PTGIS: variants seen among roughly 807,000 people sequenced by gnomAD.
PTGIS encodes the protein prostaglandin I2 synthase.
A neutral mutation model predicts 50.3 loss-of-function variants in PTGIS; 45 were observed. That is an observed-to-expected ratio of 0.90 (90% CI 0.70 to 1.15). The LOEUF (loss-of-function observed/expected upper bound fraction) is 1.15, where lower values mean the gene tolerates loss of function less well. Ranked by LOEUF, PTGIS falls within the 50% of genes most tolerant of loss-of-function variation. The pLI is 0.00. For synonymous variants in PTGIS, 260 were observed against 267.7 expected (o/e 0.97, Z 0.28); for missense variants, 668 against 661.3 (o/e 1.01, Z -0.11).
At chr20:49,543,633 G>A (rs1982285927) in intron 4 of PTGIS, among the ~76,000 whole-genome samples, 1 of 152,166 alleles carries the variant, frequency 6.6e-6, no homozygotes, top group Non-Finnish European at 1.5e-5. Context: ...CCTGCCTAGA[G>A]TGTTGGCGTG....
intron 1 of PTGIS, among the ~76,000 whole-genome samples, chr20:49,557,493 G>A (rs750423465): frequency 3.3e-5 from 5 of 151,946 alleles, no homozygotes; most frequent in African/African-American, 1.2e-4. Flanking sequence ...TAGGGAGGCT[G>A]AGACAGGAAG....
intron 3 of PTGIS, among the ~76,000 whole-genome samples, chr20:49,545,285 A>C (rs563906629): frequency 6.6e-6 from 1 of 152,060 alleles, no homozygotes; most frequent in Non-Finnish European, 1.5e-5. Context: ...CCAGATGTGT[A>C]GTAGGTGCCT....
intron 1 of PTGIS, among the ~76,000 whole-genome samples, chr20:49,551,266 G>A (rs564137820): frequency 1.3e-5 from 2 of 152,112 alleles, no homozygotes; most frequent in South Asian, 2.1e-4. Flanking sequence ...GGGAAGTGGG[G>A]GTCAGACATG....
Position 49,550,181 on chromosome 20 carries a change from C to T in PTGIS, c.83G>A (p.Gly28Asp), listed in dbSNP as rs1199814435. ...GCTGCCCAGGTCCAGGGGAGGCTCA[C>T]CAGGTCGCCTACAGAAGCCATGGCA... ...LLSRRRTRRP[G>D]EPPLDLGSIP... The change falls in exon 2 of 10, where the codon GGT (glycine) becomes GAT (aspartate). Residue 28 changes from glycine to aspartate, a missense_variant. Gly to Asp is a moderately conservative substitution (Grantham distance 94). Coordinates refer to ENST00000244043, the MANE Select transcript of PTGIS (RefSeq NM_000961.4). The T allele has an allele frequency of 6.2e-7, 1 of 1,612,998 alleles. No individual in the cohort carries two copies. Among genetic ancestry groups the T allele is most frequent in the Non-Finnish European group, 8.5e-7 (1 of 1,180,024 alleles).
intron 5 of PTGIS, among the ~76,000 whole-genome samples, chr20:49,531,155 T>A (rs1981924553): frequency 6.6e-6 from 1 of 152,222 alleles, no homozygotes; most frequent in African/African-American, 2.4e-5. Flanking sequence ...TACTTTACAT[T>A]TTTAATGTTT....
intron 1 of PTGIS, among the ~76,000 whole-genome samples, chr20:49,562,297 C>G (rs2122907477): frequency 6.6e-6 from 1 of 152,342 alleles, no homozygotes; most frequent in Non-Finnish European, 1.5e-5. Context: ...GGCTTTCTTC[C>G]CCTGCCTTTC....
chr20:49,536,446 T>C (rs542015630), intron 5 of PTGIS, among the ~76,000 whole-genome samples: 8 of 151,298 alleles, frequency 5.3e-5, no homozygotes, highest in Non-Finnish European at 8.9e-5. Flanking sequence ...GTGCTTTTTC[T>C]TTTTTTCTTT....
rs765364726 is a variant in PTGIS at position 49,539,685 on chromosome 20, C to T, written c.558G>A (p.Leu186=). The T allele has an allele frequency of 1.2e-5, 19 of 1,613,512 alleles. No homozygotes were observed. In the Admixed American group the frequency reaches 3.2e-4, roughly 27 times the overall value. ...GYLTLYGIEA[L]PRTHESQAQD... is the part of the protein sequence containing the mutation. Reference sequence around the variant, plus strand: ...GGGCCTGGCTTTCATGGGTGCGTGGCAGCGCCTCAATTCCGTAAAGAGTCA... The same window carrying T: ...GGGCCTGGCTTTCATGGGTGCGTGGTAGCGCCTCAATTCCGTAAAGAGTCA... The change falls in exon 5 of 10, where the codon CTG becomes CTA. Residue 186 remains leucine (L), a synonymous_variant. Transcript: ENST00000244043.
At chr20:49,523,760 CA>C (rs1981716725) in intron 6 of PTGIS, among the ~76,000 whole-genome samples, 1 of 152,066 alleles carries the variant, frequency 6.6e-6, no homozygotes, top group Non-Finnish European at 1.5e-5. Flanking sequence ...GCCTGGGCAA[CA>C]GAGCGAGACT....
chr20:49,537,756 AAAAAAC>A (rs967985309), intron 5 of PTGIS, among the ~76,000 whole-genome samples: 13 of 152,176 alleles, frequency 8.5e-5, no homozygotes, highest in African/African-American at 2.9e-4. Flanking sequence ...CTCTGTCTCA[AAAAAAC>A]AAAAACAAAA....
chr20:49,517,877 C>T (rs1028012453), intron 6 of PTGIS, among the ~76,000 whole-genome samples: 3 of 152,224 alleles, frequency 2.0e-5, no homozygotes, highest in Non-Finnish European at 4.4e-5. Context: ...GTGGGCCATC[C>T]AGGACTGACC....
rs745466364 is a variant in PTGIS, at chr20:49,524,175, C to G, written c.738G>C (p.Leu246=). 2.5e-6 allele frequency: 4 copies of G among 1,614,068 alleles called. No homozygotes were observed. In the African/African-American group the frequency reaches 5.3e-5, roughly 22 times the overall value. The part of the protein sequence containing the change: ...RLWKLLSPAR[L]ARRAHRSKWL... ...ATTTGCTCCGGTGGGCCCGCCTGGCCAGCCTGGCTGGGGATAGCAGCTTCC... is the reference window on the plus strand; with the variant it reads ...ATTTGCTCCGGTGGGCCCGCCTGGCGAGCCTGGCTGGGGATAGCAGCTTCC... Residue 246 remains leucine, a synonymous_variant, in exon 6 of 10, where the codon CTG becomes CTC. Coordinates refer to ENST00000244043, the MANE Select transcript of PTGIS (RefSeq NM_000961.4).
At chr20:49,562,334 C>A (rs543927406) in intron 1 of PTGIS, among the ~76,000 whole-genome samples, 4 of 152,214 alleles carry the variant, frequency 2.6e-5, no homozygotes, top group African/African-American at 9.6e-5. Context: ...AGCTCCCCAG[C>A]GAGCCAGGTG....
chr20:49,512,987 G>C (rs1981363355), intron 8 of PTGIS, 93 bp downstream of exon 8: 1 of 1,484,186 alleles, frequency 6.7e-7, no homozygotes, highest in South Asian at 1.2e-5. Flanking sequence ...CAAACAAAGA[G>C]CAGAGCCAGG....
At chr20:49,548,694 G>T (rs544385093) in intron 2 of PTGIS, among the ~76,000 whole-genome samples, 1 of 151,886 alleles carries the variant, frequency 6.6e-6, no homozygotes, top group East Asian at 1.9e-4. Context: ...TGGATGGATT[G>T]GTGAATGGGT....
intron 6 of PTGIS, among the ~76,000 whole-genome samples, chr20:49,522,890 GGCAT>G (rs369361429): frequency 0.011 from 1,723 of 152,244 alleles, 37 homozygotes; most frequent in African/African-American, 0.038. Flanking sequence ...TGGACGTGGT[GGCAT>G]GCGCCTGTAG....
intron 6 of PTGIS, among the ~76,000 whole-genome samples, chr20:49,521,430 T>C (rs745689125): frequency 2.0e-5 from 3 of 152,150 alleles, no homozygotes; most frequent in African/African-American, 7.2e-5. Context: ...TCAGAGGACA[T>C]CTTGTCCCCA....
In PTGIS at chr20:49,504,295, C is replaced by T. The variant is rs1981080013; in HGVS notation, c.*3625G>A. 6.6e-6 allele frequency: 1 copy of T among 152,262 alleles called. No homozygotes were observed. Among genetic ancestry groups the T allele is most frequent in the Non-Finnish European group, 1.5e-5 (1 of 68,076 alleles). The allele number at this position is 152,262 out of a possible 1,614,324, so 9.4% of individuals were successfully genotyped here. ...CCTTGGCCACACCAGCATGGAGCCC[C>T]CTTCCCCAGCGAATTTATTTTTCAT... On this transcript the variant is annotated 3_prime_UTR_variant, in exon 10 of 10. Coordinates refer to ENST00000244043, the MANE Select transcript of PTGIS (RefSeq NM_000961.4).
At chr20:49,567,930 T>C in intron 1 of PTGIS, 113 bp downstream of exon 1, 2 of 1,027,008 alleles carry the variant, frequency 1.9e-6, no homozygotes, top group Non-Finnish European at 2.6e-6. Flanking sequence ...TTGCCCGGGA[T>C]ACTGGAGCGG....
Sources: allele counts gnomAD v4.1 joint callset (sites outside exome capture counted in the v4.1 genomes callset), GRCh38; gene constraint gnomAD v4.1.1; transcripts MANE v1.5; gene names NCBI Gene and HGNC (gene_info 2026-07-23, HGNC 2026-07-21).